The following UBE2V2 variants were observed in gnomAD, a reference collection of about 807,000 sequenced individuals.
UBE2V2 encodes the protein ubiquitin conjugating enzyme E2 V2, also known as ubiquitin-conjugating enzyme E2 variant 2.
UBE2V2 carries 9 observed loss-of-function variants against 17.2 expected under a neutral mutation model. The observed-to-expected ratio is 0.52, with a 90% CI of 0.32 to 0.91. UBE2V2 has a LOEUF of 0.91. Ranked by LOEUF, UBE2V2 falls within the 40% of genes least tolerant of loss-of-function variation. The pLI is 0.04. For missense variants in UBE2V2, 133 were observed against 182.6 expected (o/e 0.73, Z 1.56); for synonymous variants, 61 against 57.5 (o/e 1.06, Z -0.28).
chr8:48,043,247 C>G, intron 2 of UBE2V2, 66 bp downstream of exon 2: 1 of 1,182,068 alleles, frequency 8.5e-7, no homozygotes, highest in South Asian at 3.0e-5. Flanking sequence ...TAATTTTATA[C>G]TATTGATATT....
rs898395612 is a variant in UBE2V2 at position 48,035,066 on chromosome 8, G to A, written c.17-7967G>A. 1.1e-5 allele frequency: 11 copies of A among 983,190 alleles called. No homozygotes were observed. The East Asian group carries it at 6.9e-4, about 61-fold the overall frequency. 60.9% of individuals were successfully genotyped at this position (983,190 alleles called of 1,614,324 possible). ...AGTTAGCATTCCTCTTACAAGGTGA[G>A]TGCCAGAACTGGCCTTAGCATTGCT... is the stretch of plus-strand genomic sequence containing the variant. On this transcript the variant is annotated intron_variant, in intron 1 of 3. Coordinates refer to ENST00000523111, the MANE Select transcript of UBE2V2 (RefSeq NM_003350.3).
In UBE2V2 at chr8:48,061,931, TAATA is replaced by T. The variant is rs1802601788; in HGVS notation, c.*1108_*1111del. 1 of 152,212 alleles carries T rather than the reference TAATA, an allele frequency of 6.6e-6. No homozygotes were observed. The highest frequency in any genetic ancestry group is 1.5e-5 in the Non-Finnish European group (1 of 68,036). 9.4% of individuals were successfully genotyped at this position (152,212 alleles called of 1,614,324 possible). The stretch of plus-strand genomic sequence containing the variant: ...GTTGTTTTTCTGTGAAGCTTTTGGT[TAATA>T]AATAGGGTCAACTAATTGGAGACTT... On this transcript the variant is annotated 3_prime_UTR_variant, in exon 4 of 4. Coordinates refer to ENST00000523111, the MANE Select transcript of UBE2V2 (RefSeq NM_003350.3).
intron 1 of UBE2V2, among the ~76,000 whole-genome samples, chr8:48,029,143 C>A (rs1016147977): frequency 1.3e-5 from 2 of 151,904 alleles, no homozygotes; most frequent in African/African-American, 2.4e-5. Flanking sequence ...GCCTGGGCAA[C>A]GTACCGAGAT....
the UBE2V2 span, among the ~76,000 whole-genome samples, chr8:48,001,304 G>A: frequency 7.4e-4 from 112 of 152,152 alleles, 1 homozygote; most frequent in African/African-American, 2.4e-3. Flanking sequence ...CCTGCCTCCT[G>A]ACCAAACCTA....
At chr8:48,010,699 T>C (rs1398505924) in intron 1 of UBE2V2, among the ~76,000 whole-genome samples, 1 of 125,310 alleles carries the variant, frequency 8.0e-6, no homozygotes, top group Non-Finnish European at 1.6e-5. Flanking sequence ...GGTTTGTTTG[T>C]TTTTTTTTTT....
At chr8:48,029,396 A>T (rs1044783384) in intron 1 of UBE2V2, among the ~76,000 whole-genome samples, 1 of 152,162 alleles carries the variant, frequency 6.6e-6, no homozygotes, top group African/African-American at 2.4e-5. Flanking sequence ...TAAAATATAA[A>T]TGAATAAAAA....
chr8:48,029,986 A>G (rs1395213525), intron 1 of UBE2V2, among the ~76,000 whole-genome samples: 1 of 152,212 alleles, frequency 6.6e-6, no homozygotes, highest in Non-Finnish European at 1.5e-5. Context: ...AGGAACCAGA[A>G]TATATTAGCT....
the UBE2V2 span, among the ~76,000 whole-genome samples, chr8:47,999,908 C>T: frequency 2.0e-5 from 3 of 152,216 alleles, no homozygotes; most frequent in South Asian, 2.1e-4. Context: ...GGGTTGTGAT[C>T]GATTGAGCAA....
chr8:48,051,262 C>A (rs2091535018), intron 3 of UBE2V2, among the ~76,000 whole-genome samples: 1 of 152,128 alleles, frequency 6.6e-6, no homozygotes, highest in African/African-American at 2.4e-5. Context: ...TCTTTGAAGC[C>A]TAGGCTCTCT....
chr8:48,002,243 A>C, the UBE2V2 span, among the ~76,000 whole-genome samples: 1 of 152,230 alleles, frequency 6.6e-6, no homozygotes, highest in Non-Finnish European at 1.5e-5. Flanking sequence ...AAACCACTGC[A>C]AATATTATTC....
upstream of UBE2V2, among the ~76,000 whole-genome samples, chr8:48,006,379 G>A (rs972490319): frequency 6.6e-6 from 1 of 152,012 alleles, no homozygotes; most frequent in African/African-American, 2.4e-5. Flanking sequence ...CTATATATCT[G>A]TTTTGGTACC....
intron 1 of UBE2V2, among the ~76,000 whole-genome samples, chr8:48,010,772 A>G (rs2091223718): frequency 6.9e-6 from 1 of 145,492 alleles, no homozygotes; most frequent in South Asian, 2.1e-4. Flanking sequence ...ATCTCGGCTC[A>G]CTGCAACTTC....
upstream of UBE2V2, among the ~76,000 whole-genome samples, chr8:48,004,731 A>T (rs1475539531): frequency 6.6e-6 from 1 of 151,558 alleles, no homozygotes; most frequent in African/African-American, 2.4e-5. Context: ...GGGTTTCACC[A>T]TTTTGGCCAG....
chr8:48,008,401 A>G (rs1366823790), upstream of UBE2V2: 2 of 1,552,566 alleles, frequency 1.3e-6, no homozygotes, highest in Non-Finnish European at 1.7e-6. Context: ...CCCGGAAGTG[A>G]CGCGCGACGG....
At chr8:48,056,208 C>T (rs1041192931) in intron 3 of UBE2V2, among the ~76,000 whole-genome samples, 5 of 152,130 alleles carry the variant, frequency 3.3e-5, no homozygotes, top group East Asian at 1.9e-4. Flanking sequence ...TATTGTTGGA[C>T]AATATTCCAT....
Position 48,043,148 on chromosome 8 carries a change from A to G in UBE2V2, c.132A>G (p.Thr44=). 1.3e-6 allele frequency: 2 copies of G among 1,582,554 alleles called. No homozygotes were observed. Among genetic ancestry groups the G allele is most frequent in the Non-Finnish European group, 8.6e-7 (1 of 1,161,744 alleles). Reference sequence around the variant, plus strand: ...AAGATGATGAAGATATGACACTTACAAGGTGGACAGGCATGATTATTGGGC... The same window carrying G: ...AAGATGATGAAGATATGACACTTACGAGGTGGACAGGCATGATTATTGGGC... ...GLEDDEDMTL[T]RWTGMIIGPP... Residue 44 remains threonine, a synonymous_variant, in exon 2 of 4, where the codon ACA becomes ACG. Transcript: ENST00000523111.
At chr8:48,059,177 C>G (rs1016479933) in intron 3 of UBE2V2, among the ~76,000 whole-genome samples, 2 of 151,848 alleles carry the variant, frequency 1.3e-5, no homozygotes, top group Non-Finnish European at 2.9e-5. Flanking sequence ...TCAGGCAATC[C>G]GCCCGCCTCG....
intron 1 of UBE2V2, among the ~76,000 whole-genome samples, chr8:48,026,254 A>G (rs928637702): frequency 6.6e-6 from 1 of 152,086 alleles, no homozygotes; most frequent in African/African-American, 2.4e-5. Context: ...TATTCTCTCT[A>G]GGGCTTATGA....
At chr8:48,058,575 C>CAA (rs571959848) in intron 3 of UBE2V2, among the ~76,000 whole-genome samples, 2 of 59,006 alleles carry the variant, frequency 3.4e-5, no homozygotes, top group African/African-American at 1.3e-4. Context: ...GACCCTGTCT[C>CAA]AAAAAAAAAA....
Sources: gnomAD v4.1 joint callset for allele counts (sites outside exome capture counted in the v4.1 genomes callset) on GRCh38, gnomAD v4.1.1 for gene constraint, MANE v1.5 for transcripts, NCBI Gene and HGNC (gene_info 2026-07-23, HGNC 2026-07-21) for gene names.